CENPP: variants seen among roughly 807,000 people sequenced by gnomAD.
CENPP encodes centromere protein P.
Under a neutral mutation model 35.6 loss-of-function variants are expected in CENPP, and 24 were observed. That is an observed-to-expected ratio of 0.67 (90% CI 0.49 to 0.95). CENPP has a LOEUF of 0.95. Among genes scored for constraint, CENPP ranks in the 40% least tolerant of loss-of-function variants. The pLI is 0.00. For missense variants in CENPP, 332 were observed against 345.3 expected (o/e 0.96, Z 0.31); for synonymous variants, 120 against 125.5 (o/e 0.96, Z 0.29).
In CENPP at chr9:92,619,447, G is replaced by A. The variant is rs369108987; in HGVS notation, c.*6298G>A. ...ATTCACCAACTGTCCATAAAACCCCGTTAGACCCAGGCTGCATGCCTTGCA... is the reference window on the plus strand; with the variant it reads ...ATTCACCAACTGTCCATAAAACCCCATTAGACCCAGGCTGCATGCCTTGCA... On this transcript the variant is annotated 3_prime_UTR_variant, in exon 8 of 8. Coordinates refer to ENST00000375587, the MANE Select transcript of CENPP (RefSeq NM_001012267.3). The A allele has an allele frequency of 6.5e-5, 98 of 1,512,616 alleles. No individual in the cohort carries two copies. Among genetic ancestry groups the A allele is most frequent in the Non-Finnish European group, 8.2e-5 (91 of 1,108,584 alleles). 93.7% of individuals were successfully genotyped at this position (1,512,616 alleles called of 1,614,324 possible). A position where few individuals can be genotyped will look rare whatever the true frequency, so the allele number is the denominator to read the frequency against.
At chr9:92,406,633 A>C (rs974469813) in intron 5 of CENPP, among the ~76,000 whole-genome samples, 1 of 152,186 alleles carries the variant, frequency 6.6e-6, no homozygotes, top group Non-Finnish European at 1.5e-5. Context: ...TTTGAAGTGC[A>C]TCTGGCACTG....
At chr9:92,530,530 T>TTC (rs1339808369) in intron 5 of CENPP, among the ~76,000 whole-genome samples, 1 of 152,236 alleles carries the variant, frequency 6.6e-6, no homozygotes, top group African/African-American at 2.4e-5. Flanking sequence ...AACCTATTTG[T>TTC]TCAAATTGTC....
chr9:92,409,601 CCTT>C (rs1464082650), intron 5 of CENPP, among the ~76,000 whole-genome samples: 2 of 152,078 alleles, frequency 1.3e-5, no homozygotes, highest in South Asian at 2.1e-4. Flanking sequence ...TATGAAGTAT[CCTT>C]CTTAAAATTT....
At chr9:92,482,101 G>GT (rs1272918669) in intron 5 of CENPP, among the ~76,000 whole-genome samples, 1 of 151,908 alleles carries the variant, frequency 6.6e-6, no homozygotes, top group Non-Finnish European at 1.5e-5. Flanking sequence ...TTCATTATAG[G>GT]TAAGACATAA....
chr9:92,328,259 T>G (rs1053739463), intron 1 of CENPP, among the ~76,000 whole-genome samples: 37 of 152,120 alleles, frequency 2.4e-4, no homozygotes, highest in Non-Finnish European at 4.7e-4. Flanking sequence ...AACCGTGAGG[T>G]TTCTTTTCAC....
intron 3 of CENPP, among the ~76,000 whole-genome samples, chr9:92,339,455 C>A (rs1221841436): frequency 1.3e-5 from 2 of 152,130 alleles, no homozygotes; most frequent in Non-Finnish European, 2.9e-5. Context: ...CTGGCTCTGG[C>A]AGGCTGAGGA....
chr9:92,508,513 A>G (rs1847145065), intron 5 of CENPP, among the ~76,000 whole-genome samples: 1 of 152,214 alleles, frequency 6.6e-6, no homozygotes, highest in Admixed American at 6.5e-5. Context: ...TGATAACCCA[A>G]CTAAAAGTGT....
chr9:92,336,068 G>A (rs1388070702), intron 2 of CENPP, among the ~76,000 whole-genome samples: 2 of 152,144 alleles, frequency 1.3e-5, no homozygotes, highest in East Asian at 3.8e-4. Context: ...TATCTGTTAT[G>A]TCTCTTTAGT....
intron 5 of CENPP, among the ~76,000 whole-genome samples, chr9:92,413,609 G>A (rs1333253131): frequency 6.6e-6 from 1 of 152,162 alleles, no homozygotes. Flanking sequence ...TGCAAGAAAA[G>A]GGAGGTGGGC....
intron 5 of CENPP, chr9:92,475,025 C>T (rs1423781152): frequency 8.2e-7 from 1 of 1,214,248 alleles, no homozygotes; most frequent in Non-Finnish European, 1.1e-6. Flanking sequence ...CATTTTAATC[C>T]ATTGCTTAGC....
At chr9:92,522,787 C>T in intron 5 of CENPP, 1 of 1,613,618 alleles carries the variant, frequency 6.2e-7, no homozygotes, top group Non-Finnish European at 8.5e-7. Flanking sequence ...CCTTTGCTTC[C>T]TAGGAATTTC....
intron 3 of CENPP, among the ~76,000 whole-genome samples, chr9:92,344,824 A>G (rs1340545505): frequency 2.0e-5 from 3 of 150,656 alleles, no homozygotes; most frequent in Admixed American, 2.0e-4. Flanking sequence ...GCTGGATTAC[A>G]GGCGTGAGCC....
At chr9:92,435,905 A>G (rs1844234764) in intron 5 of CENPP, among the ~76,000 whole-genome samples, 1 of 152,176 alleles carries the variant, frequency 6.6e-6, no homozygotes, top group Non-Finnish European at 1.5e-5. Flanking sequence ...ATGAGTCTTC[A>G]TTTCTATGGG....
chr9:92,487,513 A>G (rs924640021), intron 5 of CENPP, among the ~76,000 whole-genome samples: 5 of 152,262 alleles, frequency 3.3e-5, no homozygotes, highest in Admixed American at 6.5e-5. Flanking sequence ...TTTTCCTTAC[A>G]GAAGAATGTC....
At chr9:92,380,321 A>G (rs190159674) in intron 5 of CENPP, among the ~76,000 whole-genome samples, 152 of 152,290 alleles carry the variant, frequency 1.0e-3, no homozygotes, top group Non-Finnish European at 8.5e-4. Context: ...GGTACTTTAA[A>G]GTACTTCCTT....
chr9:92,397,737 G>A (rs909903822), intron 5 of CENPP, among the ~76,000 whole-genome samples: 11 of 152,208 alleles, frequency 7.2e-5, no homozygotes, highest in Non-Finnish European at 1.5e-4. Flanking sequence ...TCAGCAGAGA[G>A]AGCTAGGAAA....
rs190254490 is a variant in CENPP at position 92,501,200 on chromosome 9, G to T, written c.565-110114G>T. On this transcript the variant is annotated intron_variant, in intron 5 of 7. Coordinates refer to ENST00000375587, the MANE Select transcript of CENPP (RefSeq NM_001012267.3). ...TGATTCCAAATAGGAACTTTTCCAG[G>T]TATAGCCAGCCCTAGTCTCTTGCAC... The T allele has an allele frequency of 3.9e-5, 31 of 797,298 alleles. No individual in the cohort carries two copies. The African/African-American group carries it at 5.2e-4, about 13-fold the overall frequency. The allele number at this position is 797,298 out of a possible 1,614,324, so 49.4% of individuals were successfully genotyped here.
chr9:92,580,029 C>CA (rs1353077573), intron 5 of CENPP, among the ~76,000 whole-genome samples: 1 of 150,400 alleles, frequency 6.6e-6, no homozygotes, highest in African/African-American at 2.5e-5. Context: ...TGAATTTTGT[C>CA]AAAGGCCTTT....
At chr9:92,604,996 T>C (rs1851035817) in intron 5 of CENPP, among the ~76,000 whole-genome samples, 1 of 152,068 alleles carries the variant, frequency 6.6e-6, no homozygotes, top group African/African-American at 2.4e-5. Context: ...TGTGTCCTTT[T>C]TTTGAGACAA....
Sources: allele counts gnomAD v4.1 joint callset (sites outside exome capture counted in the v4.1 genomes callset), GRCh38; gene constraint gnomAD v4.1.1; transcripts MANE v1.5; gene names NCBI Gene and HGNC (gene_info 2026-07-23, HGNC 2026-07-21).